PCDHA5: variants seen among roughly 807,000 people sequenced by gnomAD.
The protein encoded by PCDHA5 is protocadherin alpha-5.
In PCDHA5, 43 loss-of-function variants were observed where a neutral mutation model predicts 61.6. The observed-to-expected ratio is 0.70, with a 90% CI of 0.55 to 0.90. The LOEUF (loss-of-function observed/expected upper bound fraction) is 0.90, where lower values mean the gene tolerates loss of function less well. PCDHA5 is among the 40% of genes least tolerant of loss of function. The pLI, the probability that PCDHA5 is intolerant of heterozygous loss-of-function variation, is 0.00. For missense variants in PCDHA5, 1,298 were observed against 1,222.7 expected, an observed-to-expected ratio of 1.06 and a Z score of -0.92; for synonymous variants, 627 against 543.9, an observed-to-expected ratio of 1.15 and a Z score of -2.13.
intron 2 of PCDHA5, 123 bp from the exon 3 acceptor site, chr5:140,982,352 G>A (rs1554244046): frequency 4.0e-6 from 6 of 1,507,640 alleles, no homozygotes; most frequent in Non-Finnish European, 5.3e-6. Context: ...TTCAGTTCAA[G>A]CATGAGCAGA....
chr5:140,825,429 A>G (rs1291872136), intron 1 of PCDHA5: 2 of 147,480 alleles, frequency 1.4e-5, no homozygotes, highest in Non-Finnish European at 3.0e-5. Context: ...TATATAATAA[A>G]TATATAATAA....
intron 1 of PCDHA5, chr5:140,929,943 A>G (rs996777609): frequency 1.3e-5 from 2 of 152,224 alleles, no homozygotes; most frequent in African/African-American, 4.8e-5. Flanking sequence ...TCTCTAGCCT[A>G]TACTTTTAAT....
In PCDHA5 at chr5:140,823,746, G is replaced by A. The variant is rs1554129586; in HGVS notation, c.1971G>A (p.Pro657=). The change falls in exon 1 of 4, where the codon CCG becomes CCA. Residue 657 remains proline (P), a synonymous_variant. Transcript: ENST00000529859. ...LVLVKDHGEP[P]LTATATVLVS... ...TGGTGAAGGACCATGGAGAGCCCCC[G>A]CTGACAGCCACAGCCACAGTGCTGG... 6 of 1,613,840 alleles carry A rather than the reference G, an allele frequency of 3.7e-6. No homozygotes were observed. The East Asian group carries it at 6.7e-5, about 18-fold the overall frequency.
intron 1 of PCDHA5, among the ~76,000 whole-genome samples, chr5:140,918,885 T>G (rs2078908612): frequency 6.6e-6 from 1 of 152,202 alleles, no homozygotes; most frequent in Non-Finnish European, 1.5e-5. Context: ...TCTAGAACAG[T>G]GAAAAATAAA....
rs2150408028 is a variant in PCDHA5, at chr5:140,848,285, C to G, written c.2352+24158C>G. 1.1e-4 allele frequency: 65 copies of G among 617,022 alleles called. 3 individuals carry two copies. The South Asian group carries it at 1.4e-3, about 14-fold the overall frequency. The allele number at this position is 617,022 out of a possible 1,614,324, so 38.2% of individuals were successfully genotyped here. On this transcript the variant is annotated intron_variant, in intron 1 of 3. Transcript: ENST00000529859. The stretch of plus-strand genomic sequence containing the variant: ...TTTATTCATGAAATATGTACTTACA[C>G]TTTGGGCCACGTGATGTCACTCTTT...
intron 1 of PCDHA5, among the ~76,000 whole-genome samples, chr5:140,846,420 G>A (rs1780468336): frequency 7.9e-6 from 1 of 125,998 alleles, no homozygotes; most frequent in African/African-American, 3.0e-5. Context: ...TATCTCCCAG[G>A]CTGGAATGCA....
intron 1 of PCDHA5, among the ~76,000 whole-genome samples, chr5:140,953,228 G>A (rs2094861370): frequency 6.6e-6 from 1 of 152,124 alleles, no homozygotes; most frequent in South Asian, 2.1e-4. Flanking sequence ...CTTCTGCTTG[G>A]TAGCAGTTCA....
At chr5:140,870,619 T>C in intron 1 of PCDHA5, 1 of 1,613,150 alleles carries the variant, frequency 6.2e-7, no homozygotes, top group Middle Eastern at 1.7e-4. Flanking sequence ...GCTGTCGAGC[T>C]ACGTGTCGGT....
chr5:140,945,496 A>G (rs2093798194), intron 1 of PCDHA5, among the ~76,000 whole-genome samples: 1 of 152,142 alleles, frequency 6.6e-6, no homozygotes, highest in South Asian at 2.1e-4. Context: ...TACCCAAAGC[A>G]ATATTGAGCA....
At chr5:140,834,489 C>T (rs141682483) in intron 1 of PCDHA5, 4 of 1,614,000 alleles carry the variant, frequency 2.5e-6, no homozygotes, top group Admixed American at 1.7e-5. Context: ...CTACTCGGTC[C>T]CCGAGGAGGC....
chr5:140,952,857 G>T (rs2094808262), intron 1 of PCDHA5, among the ~76,000 whole-genome samples: 1 of 152,120 alleles, frequency 6.6e-6, no homozygotes, highest in Non-Finnish European at 1.5e-5. Context: ...TTCTGGGGAG[G>T]CCTCAGGAAA....
intron 1 of PCDHA5, among the ~76,000 whole-genome samples, chr5:140,911,789 G>A (rs1399185754): frequency 6.6e-6 from 1 of 152,024 alleles, no homozygotes; most frequent in Non-Finnish European, 1.5e-5. Flanking sequence ...GCATTTTTGG[G>A]TCTAATCATA....
chr5:140,853,046 T>G (rs546337330), intron 1 of PCDHA5: 2 of 266,574 alleles, frequency 7.5e-6, no homozygotes, highest in Non-Finnish European at 1.2e-5. Flanking sequence ...GCCCGCCTAA[T>G]TTTTTTGTAT....
Position 140,822,756 on chromosome 5 carries a change from C to T in PCDHA5, c.981C>T (p.Phe327=), listed in dbSNP as rs1030859419. The T allele has an allele frequency of 8.1e-6, 13 of 1,613,646 alleles. No homozygotes were observed. The Admixed American group carries it at 8.3e-5, about 10-fold the overall frequency. The part of the protein sequence containing the change: ...INIDAMDKST[F]PLSGHCKVVV... ...TTGATGCCATGGATAAAAGTACATTCCCATTATCAGGACACTGTAAAGTAG... is the reference window on the plus strand; with the variant it reads ...TTGATGCCATGGATAAAAGTACATTTCCATTATCAGGACACTGTAAAGTAG... Residue 327 remains phenylalanine, a synonymous_variant, in exon 1 of 4, where the codon TTC becomes TTT. Transcript: ENST00000529859.
chr5:140,840,523 A>G (rs1554137815), intron 1 of PCDHA5, among the ~76,000 whole-genome samples: 3 of 152,058 alleles, frequency 2.0e-5, no homozygotes, highest in African/African-American at 7.3e-5. Flanking sequence ...CAGAAGAAAG[A>G]TGAAGAACTA....
At position 140,882,987 on chromosome 5, in the gene PCDHA5, C is replaced by T; in HGVS notation, c.2352+58860C>T. The T allele has an allele frequency of 1.9e-6, 3 of 1,614,110 alleles. No individual in the cohort carries two copies. The highest frequency in any genetic ancestry group is 1.7e-6 in the Non-Finnish European group (2 of 1,180,042). ...ATTCTGGACGTGAATGACAACGCCC[C>T]GGAATTTTACCAATCCGTTTATAAA... is the stretch of plus-strand genomic sequence containing the variant. On this transcript the variant is annotated intron_variant, in intron 1 of 3. Coordinates refer to ENST00000529859, the MANE Select transcript of PCDHA5 (RefSeq NM_018908.3).
intron 1 of PCDHA5, chr5:140,834,910 A>G (rs1379120626): frequency 6.3e-7 from 1 of 1,595,988 alleles, no homozygotes; most frequent in Non-Finnish European, 8.5e-7. Flanking sequence ...AGCCCCAATG[A>G]GTATTTCTTC....
At chr5:140,956,297 G>A (rs1449094533) in intron 1 of PCDHA5, among the ~76,000 whole-genome samples, 1 of 151,928 alleles carries the variant, frequency 6.6e-6, no homozygotes, top group African/African-American at 2.4e-5. Context: ...TCATATATAT[G>A]GCTCTTATTA....
chr5:140,999,985 G>T (rs1451778210), intron 3 of PCDHA5, among the ~76,000 whole-genome samples: 1 of 152,022 alleles, frequency 6.6e-6, no homozygotes, highest in African/African-American at 2.4e-5. Context: ...AGCGGCCTCT[G>T]GGTAGTGGTA....
Sources: allele counts gnomAD v4.1 joint callset (sites outside exome capture counted in the v4.1 genomes callset), GRCh38; gene constraint gnomAD v4.1.1; transcripts MANE v1.5; gene names NCBI Gene and HGNC (gene_info 2026-07-23, HGNC 2026-07-21).